The following STK16 variants were observed in gnomAD, a reference collection of about 807,000 sequenced individuals.
The protein encoded by STK16 is serine/threonine-protein kinase 16.
A neutral mutation model predicts 37.8 loss-of-function variants in STK16; 28 were observed. That is an observed-to-expected ratio of 0.74 (90% CI 0.55 to 1.02). The LOEUF is 1.02. Among genes scored for constraint, STK16 ranks in the 50% least tolerant of loss-of-function variants. The pLI is 0.00. For synonymous variants in STK16, 134 were observed against 155.0 expected (o/e 0.86, Z 1.01); for missense variants, 349 against 390.6 (o/e 0.89, Z 0.90).
In STK16 at chr2:219,245,767, G is replaced by A. The variant is rs973448349; in HGVS notation, c.-134G>A. 7 of 338,590 alleles carry A rather than the reference G, an allele frequency of 2.1e-5. No individual in the cohort carries two copies. The highest frequency in any genetic ancestry group is 1.5e-4 in the African/African-American group (7 of 46,426). 21.0% of individuals were successfully genotyped at this position (338,590 alleles called of 1,614,324 possible). A position where few individuals can be genotyped will look rare whatever the true frequency, so the allele number is the denominator to read the frequency against. ...GACCCCACCCCTGAAGCTGGCGACG[G>A]AGCAGGGCCTGTTTTCTCTACACTA... On this transcript the variant is annotated 5_prime_UTR_variant, in exon 1 of 8. Transcript: ENST00000396738.
Position 219,250,329 on chromosome 2 carries a change from T to C in STK16, c.*1770T>C, listed in dbSNP as rs769814111. The C allele has an allele frequency of 1.6e-5, 25 of 1,582,622 alleles. No individual in the cohort carries two copies. The South Asian group carries it at 2.4e-4, about 15-fold the overall frequency. On this transcript the variant is annotated 3_prime_UTR_variant, in exon 8 of 8. Transcript: ENST00000396738. The surrounding 1 kb of genome is among the most constrained non-coding windows in gnomAD (Gnocchi z 8.4). ...CGAAAGGATTTTGCAATAAACATAG[T>C]GAATAGGCTCCAGGCAGCTGCTTTA...
chr2:219,248,685 A>C lies in STK16; in HGVS notation c.*126A>C. 8.1e-7 allele frequency: 1 copy of C among 1,233,504 alleles called. No homozygotes were observed. The highest frequency in any genetic ancestry group is 1.1e-6 in the Non-Finnish European group (1 of 903,126). The allele number at this position is 1,233,504 out of a possible 1,614,324, so 76.4% of individuals were successfully genotyped here. ...TGGGGGTAGCGGGGTCAGGACAATC[A>C]TCTCAGTCCTGCATCTTTTCTTCTG... On this transcript the variant is annotated 3_prime_UTR_variant, in exon 8 of 8. Transcript: ENST00000396738.
Position 219,246,810 on chromosome 2 carries a change from C to T in STK16, c.240C>T (p.Leu80=), listed in dbSNP as rs372905234. The T allele has an allele frequency of 5.3e-5, 85 of 1,614,064 alleles. No homozygotes were observed. The highest frequency in any genetic ancestry group is 1.6e-4 in the Middle Eastern group (1 of 6,084). Residue 80 remains leucine (L), a synonymous_variant, in exon 3 of 8, where the codon CTC becomes CTT. Coordinates refer to ENST00000396738, the MANE Select transcript of STK16 (RefSeq NM_001330213.2). This position sits in a 1 kb window ranked among gnomAD's most constrained non-coding sequence, Gnocchi z 4.5. ...TCAATCACCCCAACATCCTTCGCCTCGTGGCTTACTGTCTGAGGGAACGGG... is the reference window on the plus strand; with the variant it reads ...TCAATCACCCCAACATCCTTCGCCTTGTGGCTTACTGTCTGAGGGAACGGG... ...RLFNHPNILR[L]VAYCLRERGA...
Position 219,250,239 on chromosome 2 carries a change from G to A in STK16, c.*1680G>A. 1 of 1,429,386 alleles carries A rather than the reference G, an allele frequency of 7.0e-7. No individual in the cohort carries two copies. Among genetic ancestry groups the A allele is most frequent in the Non-Finnish European group, 9.5e-7 (1 of 1,050,996 alleles). The allele number at this position is 1,429,386 out of a possible 1,614,324, so 88.5% of individuals were successfully genotyped here. A position where few individuals can be genotyped will look rare whatever the true frequency, so the allele number is the denominator to read the frequency against. Reference sequence around the variant, plus strand: ...CAAACAGAGCAGCAGCAGCATGAAGGGGAAGGCAGCAGAAGCTCAAGCACT... The same window carrying A: ...CAAACAGAGCAGCAGCAGCATGAAGAGGAAGGCAGCAGAAGCTCAAGCACT... On this transcript the variant is annotated 3_prime_UTR_variant, in exon 8 of 8. Coordinates refer to ENST00000396738, the MANE Select transcript of STK16 (RefSeq NM_001330213.2). The surrounding 1 kb of genome is among the most constrained non-coding windows in gnomAD (Gnocchi z 8.4).
At position 219,248,897 on chromosome 2, in the gene STK16, G is replaced by A. The variant is rs1004033258; in HGVS notation, c.*338G>A. 1.6e-4 allele frequency: 35 copies of A among 221,142 alleles called. No homozygotes were observed. The highest frequency in any genetic ancestry group is 7.2e-4 in the African/African-American group (32 of 44,234). The allele number at this position is 221,142 out of a possible 1,614,324, so 13.7% of individuals were successfully genotyped here. On this transcript the variant is annotated 3_prime_UTR_variant, in exon 8 of 8. Coordinates refer to ENST00000396738, the MANE Select transcript of STK16 (RefSeq NM_001330213.2). Reference sequence around the variant, plus strand: ...GTAAACAAGAATAAAGTGGAAGCAGGTTGGTGTAGATCTTAGTCTCAGTGT... The same window carrying A: ...GTAAACAAGAATAAAGTGGAAGCAGATTGGTGTAGATCTTAGTCTCAGTGT...
chr2:219,247,886 A>T (rs971582305), intron 6 of STK16, 129 bp downstream of exon 6: 1 of 933,820 alleles, frequency 1.1e-6, no homozygotes, highest in Non-Finnish European at 1.7e-6. Context: ...ATCCACTTCA[A>T]CTTCCTTCCT....
At position 219,248,558 on chromosome 2, in the gene STK16, GA is replaced by G. The variant is rs763555342; in HGVS notation, c.*4del. The G allele has an allele frequency of 6.2e-7, 1 of 1,602,916 alleles. No individual in the cohort carries two copies. ...PAPGQHTTQI[*>X] The stretch of plus-strand genomic sequence containing the variant: ...CCTGGCCAACATACTACCCAAATCT[GA>G]AAAAGCAGCATGTTGAGAAGATGGC... On this transcript the variant is annotated frameshift_variant and stop_lost, in exon 8 of 8. Coordinates refer to ENST00000396738, the MANE Select transcript of STK16 (RefSeq NM_001330213.2). LOFTEE classifies it high-confidence loss of function.
chr2:219,246,880 A>G lies in STK16; in HGVS notation c.306+4A>G. ...GCTGCTGCTACCATTCTTCAAGGTC[A>G]GAAAGACTCCTGGTTATGGAGGGGG... On this transcript the variant is annotated splice_donor_region_variant and intron_variant, in intron 3 of 7. Coordinates refer to ENST00000396738, the MANE Select transcript of STK16 (RefSeq NM_001330213.2). This position sits in a 1 kb window ranked among gnomAD's most constrained non-coding sequence, Gnocchi z 4.5. 1 of 1,605,948 alleles carries G rather than the reference A, an allele frequency of 6.2e-7. No homozygotes were observed. Among genetic ancestry groups the G allele is most frequent in the South Asian group, 1.1e-5 (1 of 90,388 alleles).
At position 219,248,212 on chromosome 2, in the gene STK16, A is replaced by G. The variant is rs778659053; in HGVS notation, c.677A>G (p.Tyr226Cys). Residue 226 changes from tyrosine to cysteine, a missense_variant, in exon 7 of 8, where the codon TAT (tyrosine) becomes TGT (cysteine). Coordinates refer to ENST00000396738, the MANE Select transcript of STK16 (RefSeq NM_001330213.2). ...TDVWSLGCVL[Y>C]AMMFGEGPYD... ...GCTCAGTCCCTAGGCTGCGTGCTATATGCCATGATGTTTGGGGAAGGCCCT... is the reference window on the plus strand; with the variant it reads ...GCTCAGTCCCTAGGCTGCGTGCTATGTGCCATGATGTTTGGGGAAGGCCCT... 6.2e-7 allele frequency: 1 copy of G among 1,614,158 alleles called. No homozygotes were observed.
At position 219,246,505 on chromosome 2, in the gene STK16, G is replaced by T; in HGVS notation, c.87-152G>T. ...ATATCTCTGCTCCTGAGGAGCTCAC[G>T]GTGTAATATTCTTCAGATTTCTCTT... On this transcript the variant is annotated intron_variant, in intron 2 of 7. Transcript: ENST00000396738. The surrounding 1 kb of genome is among the most constrained non-coding windows in gnomAD (Gnocchi z 4.5). The T allele has an allele frequency of 1.4e-6, 1 of 708,006 alleles. No individual in the cohort carries two copies. The allele number at this position is 708,006 out of a possible 1,614,324, so 43.9% of individuals were successfully genotyped here.
chr2:219,248,867 A>G lies in STK16; in HGVS notation c.*308A>G, dbSNP rs1951595484. 3.6e-6 allele frequency: 1 copy of G among 281,496 alleles called. No individual in the cohort carries two copies. Among genetic ancestry groups the G allele is most frequent in the African/African-American group, 2.1e-5 (1 of 46,744 alleles). 17.4% of individuals were successfully genotyped at this position (281,496 alleles called of 1,614,324 possible). A position where few individuals can be genotyped will look rare whatever the true frequency, so the allele number is the denominator to read the frequency against. On this transcript the variant is annotated 3_prime_UTR_variant, in exon 8 of 8. Transcript: ENST00000396738. ...CTGACTCCAAATCTGGGAGCAGGAG[A>G]ATGTGTAAACAAGAATAAAGTGGAA...
chr2:219,245,845 G>A, intron 1 of STK16, 49 bp downstream of exon 1: 1 of 586,368 alleles, frequency 1.7e-6, no homozygotes, highest in Admixed American at 3.0e-5. Context: ...GTACTTCATG[G>A]GTCGTCTGGA....
chr2:219,247,714 C>A lies in STK16; in HGVS notation c.614C>A (p.Ser205Tyr). 6.2e-7 allele frequency: 1 copy of A among 1,605,432 alleles called. No homozygotes were observed. The highest frequency in any genetic ancestry group is 2.2e-5 in the East Asian group (1 of 44,678). Residue 205 changes from serine (S) to tyrosine (Y), a missense_variant, in exon 6 of 8, where the codon TCT becomes TAT. By Grantham distance (144) the Ser-to-Tyr change is moderately radical. Transcript: ENST00000396738. ...TISYRAPELF[S>Y]VQSHCVIDER... Reference sequence around the variant, plus strand: ...TCCTACCGAGCCCCAGAGCTCTTCTCTGTGCAGAGTCACTGTGTCATCGAT... The same window carrying A: ...TCCTACCGAGCCCCAGAGCTCTTCTATGTGCAGAGTCACTGTGTCATCGAT...
rs532913310 is a variant in STK16 at position 219,250,246 on chromosome 2, C to T, written c.*1687C>T. 1.0e-4 allele frequency: 148 copies of T among 1,467,606 alleles called. No homozygotes were observed. In the African/African-American group the frequency reaches 1.9e-3, roughly 19 times the overall value. 90.9% of individuals were successfully genotyped at this position (1,467,606 alleles called of 1,614,324 possible). The stretch of plus-strand genomic sequence containing the variant: ...AGCAGCAGCAGCATGAAGGGGAAGG[C>T]AGCAGAAGCTCAAGCACTCAGAGGG... On this transcript the variant is annotated 3_prime_UTR_variant, in exon 8 of 8. Transcript: ENST00000396738. This position sits in a 1 kb window ranked among gnomAD's most constrained non-coding sequence, Gnocchi z 8.4.
chr2:219,247,813 C>CGTGGA, intron 6 of STK16, 56 bp downstream of exon 6: 1 of 1,505,298 alleles, frequency 6.6e-7, no homozygotes, highest in Non-Finnish European at 9.0e-7. Context: ...CTGTACCCAC[C>CGTGGA]GTGGAGTAGA....
Position 219,245,706 on chromosome 2 carries a change from G to C in STK16, c.-195G>C, listed in dbSNP as rs1951513832. ...GGGCTGGGGTTGGAGGAAGTGGCCC[G>C]GTAGCCGCTGTGTGTCCTGAGGCCG... On this transcript the variant is annotated 5_prime_UTR_variant, in exon 1 of 8. Coordinates refer to ENST00000396738, the MANE Select transcript of STK16 (RefSeq NM_001330213.2). The C allele has an allele frequency of 8.6e-6, 2 of 233,144 alleles. No individual in the cohort carries two copies. Among genetic ancestry groups the C allele is most frequent in the Non-Finnish European group, 1.7e-5 (2 of 117,954 alleles). The allele number at this position is 233,144 out of a possible 1,614,324, so 14.4% of individuals were successfully genotyped here. A position where few individuals can be genotyped will look rare whatever the true frequency, so the allele number is the denominator to read the frequency against.
Position 219,249,264 on chromosome 2 carries a change from A to G in STK16, c.*705A>G, listed in dbSNP as rs894108802. The G allele has an allele frequency of 6.6e-6, 1 of 152,268 alleles. No homozygotes were observed. The highest frequency in any genetic ancestry group is 1.5e-5 in the Non-Finnish European group (1 of 68,056). The allele number at this position is 152,268 out of a possible 1,614,324, so 9.4% of individuals were successfully genotyped here. A position where few individuals can be genotyped will look rare whatever the true frequency, so the allele number is the denominator to read the frequency against. Reference sequence around the variant, plus strand: ...CACCTGAGGAAGCTTTGAGACAGGTAGATTACAGGTCTCCCATCCTCAGCC... The same window carrying G: ...CACCTGAGGAAGCTTTGAGACAGGTGGATTACAGGTCTCCCATCCTCAGCC... On this transcript the variant is annotated 3_prime_UTR_variant, in exon 8 of 8. Transcript: ENST00000396738.
In STK16 at chr2:219,247,535, G is replaced by A; in HGVS notation, c.561G>A (p.Gln187=). The A allele has an allele frequency of 6.2e-7, 1 of 1,614,180 alleles. No homozygotes were observed. Among genetic ancestry groups the A allele is most frequent in the Non-Finnish European group, 8.5e-7 (1 of 1,180,018 alleles). Residue 187 remains glutamine (Q), a splice_region_variant and synonymous_variant, in exon 5 of 8, where the codon CAG becomes CAA. Transcript: ENST00000396738. ...VEGSRQALTL[Q]DWAAQRCTIS... ...GCTCCCGCCAGGCTCTGACCCTGCA[G>A]GTAAAAGAGTCTCCAGGTTCCTTTT...
rs1001526126 is a variant in STK16, at chr2:219,247,436, A to G, written c.462A>G (p.Ile154Met). The G allele has an allele frequency of 6.2e-7, 1 of 1,614,080 alleles. No homozygotes were observed. The highest frequency in any genetic ancestry group is 8.5e-7 in the Non-Finnish European group (1 of 1,180,026). Residue 154 changes from isoleucine (I) to methionine (M), a missense_variant, in exon 5 of 8, where the codon ATA (isoleucine) becomes ATG (methionine). Coordinates refer to ENST00000396738, the MANE Select transcript of STK16 (RefSeq NM_001330213.2). Reference protein sequence around the residue: ...YAHRDLKPTNILLGDEGQPVL... With the variant: ...YAHRDLKPTNMLLGDEGQPVL... The stretch of plus-strand genomic sequence containing the variant: ...ACAGAGACTTGAAGCCCACCAATAT[A>G]TTGCTTGGAGATGAGGGGCAGCCAG...
Sources: allele counts gnomAD v4.1 joint callset, GRCh38; gene constraint gnomAD v4.1.1; non-coding constraint Gnocchi (gnomAD v3.1); transcripts MANE v1.5; gene names NCBI Gene and HGNC (gene_info 2026-07-23, HGNC 2026-07-21).